KCNQ3: variants seen among roughly 807,000 people sequenced by gnomAD.
KCNQ3 encodes the protein potassium voltage-gated channel subfamily Q member 3.
Under a neutral mutation model 92.5 loss-of-function variants are expected in KCNQ3, and 30 were observed. The ratio of observed to expected loss-of-function variants is 0.32; its 90% CI spans 0.24 to 0.44. KCNQ3 has a LOEUF of 0.44. Among genes scored for constraint, KCNQ3 ranks in the 20% least tolerant of loss-of-function variants. KCNQ3 has a pLI of 1.00. For synonymous variants in KCNQ3, 450 were observed against 468.8 expected (o/e 0.96, Z 0.52); for missense variants, 913 against 1,140.3 (o/e 0.80, Z 2.87).
At chr8:132,443,124 G>GC (rs1189868386) in intron 1 of KCNQ3, among the ~76,000 whole-genome samples, 2 of 152,194 alleles carry the variant, frequency 1.3e-5, no homozygotes, top group Non-Finnish European at 2.9e-5. Context: ...CCCCGCTTGA[G>GC]CATAACCTTT....
At chr8:132,191,453 C>T (rs929182984) in intron 1 of KCNQ3, among the ~76,000 whole-genome samples, 4 of 151,804 alleles carry the variant, frequency 2.6e-5, no homozygotes, top group Non-Finnish European at 5.9e-5. Context: ...CTTCTGTGCC[C>T]AGCCTAGAAG....
At chr8:132,384,951 G>T (rs2130761013) in intron 1 of KCNQ3, among the ~76,000 whole-genome samples, 1 of 152,348 alleles carries the variant, frequency 6.6e-6, no homozygotes, top group South Asian at 2.1e-4. Context: ...TGCAGTAGAT[G>T]CTGTGCTGCC....
At chr8:132,181,755 C>G (rs983081478) in intron 3 of KCNQ3, among the ~76,000 whole-genome samples, 2 of 152,174 alleles carry the variant, frequency 1.3e-5, no homozygotes, top group African/African-American at 4.8e-5. Context: ...GGCACATTTG[C>G]CAAAAAAGCT....
In KCNQ3 at chr8:132,175,513, T is replaced by G. The variant is rs1288709591; in HGVS notation, c.873A>C (p.Ala291=). ...LVEKDVPEVD[A]QGEEMKEEFE... is the part of the protein sequence containing the mutation. ...ACTCCTCTTTCATCTCCTCTCCTTG[T>G]GCATCCACCTCTGGGACGTCTTTCT... Residue 291 remains alanine (A), a synonymous_variant, in exon 5 of 15, where the codon GCA becomes GCC. Coordinates refer to ENST00000388996, the MANE Select transcript of KCNQ3 (RefSeq NM_004519.4). 1 of 1,614,072 alleles carries G rather than the reference T, an allele frequency of 6.2e-7. No homozygotes were observed. The highest frequency in any genetic ancestry group is 1.7e-5 in the Admixed American group (1 of 60,000).
chr8:132,182,381 G>C (rs1369198704), intron 3 of KCNQ3, among the ~76,000 whole-genome samples: 1 of 152,212 alleles, frequency 6.6e-6, no homozygotes, highest in Admixed American at 6.5e-5. Flanking sequence ...TCATGGGCGT[G>C]ATAACCATCC....
chr8:132,160,713 A>G (rs1398503537), intron 9 of KCNQ3, among the ~76,000 whole-genome samples: 1 of 151,218 alleles, frequency 6.6e-6, no homozygotes, highest in Non-Finnish European at 1.5e-5. Flanking sequence ...TTGATTTATG[A>G]GGATTTGTTT....
intron 1 of KCNQ3, among the ~76,000 whole-genome samples, chr8:132,287,423 T>C (rs1302268157): frequency 1.3e-5 from 2 of 152,234 alleles, no homozygotes; most frequent in African/African-American, 4.8e-5. Context: ...CATAGATATG[T>C]ACTCTCCAAG....
At chr8:132,281,504 T>C (rs1414332209) in intron 1 of KCNQ3, among the ~76,000 whole-genome samples, 1 of 150,300 alleles carries the variant, frequency 6.7e-6, no homozygotes, top group Non-Finnish European at 1.5e-5. Context: ...ACATGGAATA[T>C]GCATATATAT....
Position 132,359,494 on chromosome 8 carries a change from G to A in KCNQ3, c.386+120653C>T, listed in dbSNP as rs144797893. Among the ~76,000 whole-genome samples the A allele has an allele frequency of 1.7e-3, 266 of 152,026 alleles. 1 individual carries two copies. Among genetic ancestry groups the A allele is most frequent in the South Asian group, 2.9e-3 (14 of 4,808 alleles). On this transcript the variant is annotated intron_variant, in intron 1 of 14. Transcript: ENST00000388996. ...TCCTCTGCTTGGGTCAAGCCATCAG[G>A]GACACCTTCACTGCACCATGTTACG...
intron 1 of KCNQ3, among the ~76,000 whole-genome samples, chr8:132,338,652 C>G (rs1016196004): frequency 6.6e-6 from 1 of 152,162 alleles, no homozygotes; most frequent in East Asian, 1.9e-4. Context: ...CCTCAAATGG[C>G]GCCCGCCAGT....
intron 1 of KCNQ3, among the ~76,000 whole-genome samples, chr8:132,303,677 T>TATAAACAC (rs376933089): frequency 1.2e-5 from 1 of 85,990 alleles, no homozygotes; most frequent in African/African-American, 4.5e-5. Context: ...TATATATATA[T>TATAAACAC]ACACACACAC....
intron 1 of KCNQ3, among the ~76,000 whole-genome samples, chr8:132,239,736 A>G (rs1410423384): frequency 6.6e-6 from 1 of 152,190 alleles, no homozygotes; most frequent in East Asian, 1.9e-4. Context: ...TCAGTTAAAG[A>G]TAGCAGAGCA....
At chr8:132,371,971 G>C (rs2130739108) in intron 1 of KCNQ3, among the ~76,000 whole-genome samples, 1 of 152,232 alleles carries the variant, frequency 6.6e-6, no homozygotes, top group African/African-American at 2.4e-5. Flanking sequence ...ATACCGTTTT[G>C]CACAGGGTAG....
At chr8:132,368,673 A>G (rs139322995) in intron 1 of KCNQ3, among the ~76,000 whole-genome samples, 78 of 152,258 alleles carry the variant, frequency 5.1e-4, no homozygotes, top group African/African-American at 1.9e-3. Context: ...AAAAGAAAAG[A>G]AAAATATTTT....
intron 9 of KCNQ3, among the ~76,000 whole-genome samples, chr8:132,154,681 T>C (rs143663850): frequency 3.9e-5 from 6 of 152,280 alleles, no homozygotes; most frequent in African/African-American, 1.4e-4. Flanking sequence ...GAGCCTGGCC[T>C]CTCCTGTTCC....
At chr8:132,172,220 T>G (rs577452429) in intron 7 of KCNQ3, among the ~76,000 whole-genome samples, 1 of 151,836 alleles carries the variant, frequency 6.6e-6, no homozygotes, top group Non-Finnish European at 1.5e-5. Context: ...AGCTGATAGG[T>G]TGGTCCTTGA....
chr8:132,393,212 C>T (rs2597356), intron 1 of KCNQ3, among the ~76,000 whole-genome samples: 46,007 of 152,104 alleles, frequency 0.3, 8,552 homozygotes, highest in East Asian at 0.44. Flanking sequence ...CCCTACTCCC[C>T]TGCATCACTT....
intron 8 of KCNQ3, among the ~76,000 whole-genome samples, chr8:132,168,243 ATCT>A (rs1826197921): frequency 1.3e-5 from 2 of 151,980 alleles, no homozygotes; most frequent in South Asian, 4.2e-4. Context: ...TTGCTAGCTG[ATCT>A]TCTTGCTTTG....
intron 1 of KCNQ3, among the ~76,000 whole-genome samples, chr8:132,457,929 G>T (rs897764944): frequency 1.3e-5 from 2 of 152,168 alleles, no homozygotes; most frequent in African/African-American, 4.8e-5. Flanking sequence ...TGACAGCAGA[G>T]CCCACACTGT....
Sources: gnomAD v4.1 joint callset for allele counts (sites outside exome capture counted in the v4.1 genomes callset) on GRCh38, gnomAD v4.1.1 for gene constraint, MANE v1.5 for transcripts, NCBI Gene and HGNC (gene_info 2026-07-23, HGNC 2026-07-21) for gene names.